IGFLR1: variants seen among roughly 807,000 people sequenced by gnomAD.
IGFLR1 encodes the protein IGF-like family receptor 1.
Under a neutral mutation model 23.4 loss-of-function variants are expected in IGFLR1, and 17 were observed. The observed-to-expected ratio is 0.73, with a 90% CI of 0.50 to 1.09. The LOEUF is 1.09. Among genes scored for constraint, IGFLR1 ranks in the 50% least tolerant of loss-of-function variants. The pLI is 0.00. For missense variants in IGFLR1, 556 were observed against 459.2 expected (o/e 1.21, Z -1.93); for synonymous variants, 265 against 210.7 (o/e 1.26, Z -2.23).
chr19:35,740,027 G>T lies in IGFLR1; in HGVS notation c.404C>A (p.Ser135Tyr). The part of the protein sequence containing the change: ...LTPGNPGAPS[S>Y]QERSSPASSI... Reference sequence around the variant, plus strand: ...ACTTGCTGGTGAGCTGCGCTCCTGGGAGCTAGGGGCGCCTGGGTTTCCAGG... The same window carrying T: ...ACTTGCTGGTGAGCTGCGCTCCTGGTAGCTAGGGGCGCCTGGGTTTCCAGG... Residue 135 changes from serine to tyrosine, a missense_variant, in exon 4 of 5, where the codon TCC (serine) becomes TAC (tyrosine). By Grantham distance (144) the Ser-to-Tyr change is moderately radical. Coordinates refer to ENST00000246532, the MANE Select transcript of IGFLR1 (RefSeq NM_024660.4). The T allele has an allele frequency of 6.2e-7, 1 of 1,614,072 alleles. No individual in the cohort carries two copies. The highest frequency in any genetic ancestry group is 8.5e-7 in the Non-Finnish European group (1 of 1,179,996).
At chr19:35,739,666 C>A (rs932024741) in intron 4 of IGFLR1, 40 bp from the exon 5 acceptor site, 2 of 1,573,746 alleles carry the variant, frequency 1.3e-6, no homozygotes, top group African/African-American at 2.7e-5. Flanking sequence ...GAAGAGCGGG[C>A]GTCCAGTCCA....
intron 1 of IGFLR1, 29 bp downstream of exon 1, chr19:35,742,367 G>C: frequency 6.7e-7 from 1 of 1,501,902 alleles, no homozygotes; most frequent in Non-Finnish European, 8.9e-7. Flanking sequence ...AAGGTTTTCA[G>C]CACAAAGGTG....
intron 3 of IGFLR1, 53 bp from the exon 4 acceptor site, chr19:35,740,141 C>T (rs1970128494): frequency 6.6e-7 from 1 of 1,516,496 alleles, no homozygotes; most frequent in Non-Finnish European, 8.8e-7. Context: ...CTCCTGCCCG[C>T]TCCCAAACCT....
rs1439560705 is a variant in IGFLR1, at chr19:35,739,271, T to C, written c.*9A>G. ...GGGCTTAGTAGTCAGCAAAGTTCTT[T>C]ATTGGGTGTTAAGCCCAGCAAACCC... On this transcript the variant is annotated 3_prime_UTR_variant, in exon 5 of 5. Transcript: ENST00000246532. 4 of 1,559,410 alleles carry C rather than the reference T, an allele frequency of 2.6e-6. No homozygotes were observed. The highest frequency in any genetic ancestry group is 1.4e-5 in the African/African-American group (1 of 73,796).
In IGFLR1 at chr19:35,739,297, C is replaced by T. The variant is rs1317691699; in HGVS notation, c.1051G>A (p.Gly351Arg). The change falls in exon 5 of 5, where the codon GGG (glycine) becomes AGG (arginine). Residue 351 changes from glycine to arginine, a missense_variant. Coordinates refer to ENST00000246532, the MANE Select transcript of IGFLR1 (RefSeq NM_024660.4). ...ATTGGGTGTTAAGCCCAGCAAACCC[C>T]AGATGAGCCAAGCTTGGACAGCACC... is the stretch of plus-strand genomic sequence containing the variant. ...LRVLSKLGSS[G>R]VCWA 6.3e-7 allele frequency: 1 copy of T among 1,595,698 alleles called. No individual in the cohort carries two copies. The highest frequency in any genetic ancestry group is 8.6e-7 in the Non-Finnish European group (1 of 1,168,330).
chr19:35,740,020 C>A lies in IGFLR1; in HGVS notation c.411G>T (p.Glu137Asp). ...CAATGGAACTTGCTGGTGAGCTGCG[C>A]TCCTGGGAGCTAGGGGCGCCTGGGT... ...PGNPGAPSSQ[E>D]RSSPASSIAW... The change falls in exon 4 of 5, where the codon GAG becomes GAT. Residue 137 changes from glutamate to aspartate, a missense_variant. By Grantham distance (45) the Glu-to-Asp change is conservative. Coordinates refer to ENST00000246532, the MANE Select transcript of IGFLR1 (RefSeq NM_024660.4). 2 of 1,613,986 alleles carry A rather than the reference C, an allele frequency of 1.2e-6. No individual in the cohort carries two copies. The highest frequency in any genetic ancestry group is 8.5e-7 in the Non-Finnish European group (1 of 1,179,956).
chr19:35,739,930 C>G lies in IGFLR1; in HGVS notation c.501G>C (p.Leu167=). 1 of 1,614,178 alleles carries G rather than the reference C, an allele frequency of 6.2e-7. No individual in the cohort carries two copies. Among genetic ancestry groups the G allele is most frequent in the Non-Finnish European group, 8.5e-7 (1 of 1,180,034 alleles). ...AWPNFLPLVV[L]VLLLTLAVIA... ...TCACCGCCAAGGTCAGGAGCAGGAC[C>G]AGCACCACGAGCGGAAGGAAATTCG... is the stretch of plus-strand genomic sequence containing the variant. The change falls in exon 4 of 5, where the codon CTG becomes CTC. Residue 167 remains leucine, a synonymous_variant. Transcript: ENST00000246532.
chr19:35,740,966 C>T (rs745991013), intron 2 of IGFLR1, 58 bp downstream of exon 2: 34 of 1,555,626 alleles, frequency 2.2e-5, no homozygotes, highest in African/African-American at 2.7e-5. Context: ...CTCGCCCCTT[C>T]CCCGCTCCCT....
At position 35,741,234 on chromosome 19, in the gene IGFLR1, C is replaced by T. The variant is rs979094656; in HGVS notation, c.-43-11G>A. The T allele has an allele frequency of 2.5e-6, 4 of 1,593,306 alleles. No homozygotes were observed. The African/African-American group carries it at 4.0e-5, about 16-fold the overall frequency. ...AACACAGCGCCTCTGCTACACTTTC[C>T]GGGGAAATCGGGCAGAAGAAAGGAC... is the stretch of plus-strand genomic sequence containing the variant. On this transcript the variant is annotated splice_polypyrimidine_tract_variant and intron_variant, in intron 1 of 4. Coordinates refer to ENST00000246532, the MANE Select transcript of IGFLR1 (RefSeq NM_024660.4).
rs1299552912 is a variant in IGFLR1 at position 35,740,526 on chromosome 19, C to T, written c.196G>A (p.Gly66Ser). 8.7e-6 allele frequency: 14 copies of T among 1,611,606 alleles called. 1 individual carries two copies. The Admixed American group carries it at 2.2e-4, about 25-fold the overall frequency. The change falls in exon 3 of 5, where the codon GGC becomes AGC. Residue 66 changes from glycine (G) to serine (S), a missense_variant. Coordinates refer to ENST00000246532, the MANE Select transcript of IGFLR1 (RefSeq NM_024660.4). ...CGGAACGGGGGCGTTACGAAATCGC[C>T]GTGGTCATTGAGTCCGCAGTTTTCC... The part of the protein sequence containing the change: ...FRENCGLNDH[G>S]DFVTPPFRKC...
Position 35,739,618 on chromosome 19 carries a change from T to C in IGFLR1, c.730A>G (p.Ser244Gly). ...LLPLLSRELSSLASQPLSRLL... is the reference protein window; with the variant it reads ...LLPLLSRELSGLASQPLSRLL... ...CGAGACAGGGGTTGTGACGCCAGAC[T>C]GGACAGTTCTGGAAGAAAGGGGAAG... The change falls in exon 5 of 5, where the codon AGT becomes GGT. Residue 244 changes from serine (S) to glycine (G), a missense_variant. By Grantham distance (56) the Ser-to-Gly change is moderately conservative. Transcript: ENST00000246532. 1 of 1,610,380 alleles carries C rather than the reference T, an allele frequency of 6.2e-7. No homozygotes were observed. Among genetic ancestry groups the C allele is most frequent in the South Asian group, 1.1e-5 (1 of 90,942 alleles).
At position 35,739,506 on chromosome 19, in the gene IGFLR1, GTGC is replaced by G; in HGVS notation, c.839_841del (p.Gly280_Thr281delinsAla). ...ATATCTTGCGGCCAGGTGTCGAGTA[GTGC>G]CATGGGCCATACCCCCACCTGGCCC... On this transcript the variant is annotated inframe_deletion, in exon 5 of 5. Transcript: ENST00000246532. 6.2e-7 allele frequency: 1 copy of G among 1,614,050 alleles called. No individual in the cohort carries two copies. The highest frequency in any genetic ancestry group is 1.3e-5 in the African/African-American group (1 of 75,054).
At position 35,739,059 on chromosome 19, in the gene IGFLR1, G is replaced by A. The variant is rs1970038215; in HGVS notation, c.*221C>T. The A allele has an allele frequency of 1.7e-6, 1 of 577,430 alleles. No individual in the cohort carries two copies. Among genetic ancestry groups the A allele is most frequent in the African/African-American group, 1.9e-5 (1 of 53,692 alleles). The allele number at this position is 577,430 out of a possible 1,614,324, so 35.8% of individuals were successfully genotyped here. ...GAACAACACAACACAGCAACTGTCTGTAGCAGGGTTGTTTCCCAGAGGGGA... is the reference window on the plus strand; with the variant it reads ...GAACAACACAACACAGCAACTGTCTATAGCAGGGTTGTTTCCCAGAGGGGA... On this transcript the variant is annotated 3_prime_UTR_variant, in exon 5 of 5. Coordinates refer to ENST00000246532, the MANE Select transcript of IGFLR1 (RefSeq NM_024660.4).
intron 2 of IGFLR1, chr19:35,740,766 C>T (rs1337566043): frequency 4.7e-6 from 3 of 643,518 alleles, no homozygotes; most frequent in Non-Finnish European, 7.9e-6. Flanking sequence ...CCGCCCACTC[C>T]CGGCTTCTCT....
chr19:35,741,332 C>T (rs370075858), intron 1 of IGFLR1, 109 bp from the exon 2 acceptor site: 1 of 1,146,194 alleles, frequency 8.7e-7, no homozygotes. Flanking sequence ...CCTCATCCCC[C>T]AACTGAGCCG....
At position 35,740,517 on chromosome 19, in the gene IGFLR1, C is replaced by G. The variant is rs760718597; in HGVS notation, c.205G>C (p.Val69Leu). 2 of 1,612,700 alleles carry G rather than the reference C, an allele frequency of 1.2e-6. No homozygotes were observed. The highest frequency in any genetic ancestry group is 2.2e-5 in the East Asian group (1 of 44,848). ...NCGLNDHGDFVTPPFRKCSSG... is the reference protein window; with the variant it reads ...NCGLNDHGDFLTPPFRKCSSG... ...GAACACTTTCGGAACGGGGGCGTTA[C>G]GAAATCGCCGTGGTCATTGAGTCCG... The change falls in exon 3 of 5, where the codon GTA becomes CTA. Residue 69 changes from valine to leucine, a missense_variant. Coordinates refer to ENST00000246532, the MANE Select transcript of IGFLR1 (RefSeq NM_024660.4).
chr19:35,740,531 T>C lies in IGFLR1; in HGVS notation c.191A>G (p.Asp64Gly). Residue 64 changes from aspartate (D) to glycine (G), a missense_variant, in exon 3 of 5, where the codon GAC becomes GGC. Coordinates refer to ENST00000246532, the MANE Select transcript of IGFLR1 (RefSeq NM_024660.4). ...CGGGGGCGTTACGAAATCGCCGTGGTCATTGAGTCCGCAGTTTTCCCGGAA... is the reference window on the plus strand; with the variant it reads ...CGGGGGCGTTACGAAATCGCCGTGGCCATTGAGTCCGCAGTTTTCCCGGAA... Reference protein sequence around the residue: ...YEFRENCGLNDHGDFVTPPFR... With the variant: ...YEFRENCGLNGHGDFVTPPFR... 1.2e-6 allele frequency: 2 copies of C among 1,611,078 alleles called. No homozygotes were observed. The highest frequency in any genetic ancestry group is 2.2e-5 in the South Asian group (2 of 90,880).
Position 35,738,939 on chromosome 19 carries a change from A to G in IGFLR1, c.*341T>C. On this transcript the variant is annotated 3_prime_UTR_variant, in exon 5 of 5. Coordinates refer to ENST00000246532, the MANE Select transcript of IGFLR1 (RefSeq NM_024660.4). This position sits in a 1 kb window ranked among gnomAD's most constrained non-coding sequence, Gnocchi z 8.7. The stretch of plus-strand genomic sequence containing the variant: ...GTAGGAACCCCACTTCTACACACCC[A>G]CCCATCATGACCCAAGGAAGTTCAT... 1 of 439,346 alleles carries G rather than the reference A, an allele frequency of 2.3e-6. No homozygotes were observed. Among genetic ancestry groups the G allele is most frequent in the Non-Finnish European group, 4.1e-6 (1 of 245,460 alleles). 27.2% of individuals were successfully genotyped at this position (439,346 alleles called of 1,614,324 possible).
chr19:35,741,130 C>T lies in IGFLR1; in HGVS notation c.51G>A (p.Ala17=), dbSNP rs965003154. The T allele has an allele frequency of 1.2e-6, 2 of 1,600,490 alleles. No individual in the cohort carries two copies. The highest frequency in any genetic ancestry group is 1.7e-5 in the Admixed American group (1 of 58,710). ...LLTALLLLAL[A]PPPEASQYCG... is the part of the protein sequence containing the mutation. ...AGTACTGGGAGGCTTCCGGCGGTGG[C>T]GCCAGGGCCAGAAGCAACAAGGCCG... Residue 17 remains alanine, a synonymous_variant, in exon 2 of 5, where the codon GCG becomes GCA. Coordinates refer to ENST00000246532, the MANE Select transcript of IGFLR1 (RefSeq NM_024660.4).
Sources: allele counts gnomAD v4.1 joint callset, GRCh38; gene constraint gnomAD v4.1.1; non-coding constraint Gnocchi (gnomAD v3.1); transcripts MANE v1.5; gene names NCBI Gene and HGNC (gene_info 2026-07-23, HGNC 2026-07-21).